Variants in SYCP1 observed in about 807,000 individuals in gnomAD.
SYCP1 encodes the protein synaptonemal complex protein 1, also known as cancer/testis antigen 8.
A neutral mutation model predicts 153.1 loss-of-function variants in SYCP1; 64 were observed. That is an observed-to-expected ratio of 0.42 (90% CI 0.34 to 0.51). The LOEUF (loss-of-function observed/expected upper bound fraction) is 0.51, where lower values mean the gene tolerates loss of function less well. SYCP1 is among the 20% of genes least tolerant of loss of function. The probability of loss-of-function intolerance (pLI) is 0.06; values close to 1 mark genes in which losing one functional copy is unlikely to be tolerated. For synonymous variants in SYCP1, 384 were observed against 341.8 expected (o/e 1.12, Z -1.36); for missense variants, 997 against 1,049.0 (o/e 0.95, Z 0.68).
chr1:114,910,783 CAG>C (rs1442704221), intron 17 of SYCP1, among the ~76,000 whole-genome samples: 17 of 151,946 alleles, frequency 1.1e-4, no homozygotes, highest in Admixed American at 1.1e-3. Context: ...TCTTTTGAGA[CAG>C]AGTCTTGCTA....
At chr1:114,991,376 A>G (rs760378559) in intron 30 of SYCP1, among the ~76,000 whole-genome samples, 6 of 151,926 alleles carry the variant, frequency 3.9e-5, no homozygotes, top group Non-Finnish European at 8.8e-5. Flanking sequence ...ACGGACCAAT[A>G]TCTCTTATGA....
At chr1:114,934,103 T>C (rs1271428145) in intron 23 of SYCP1, among the ~76,000 whole-genome samples, 1 of 151,942 alleles carries the variant, frequency 6.6e-6, no homozygotes, top group Non-Finnish European at 1.5e-5. Context: ...CCAAGATACA[T>C]AATTGTCAGA....
At chr1:114,890,602 G>C (rs1666641083) in intron 15 of SYCP1, among the ~76,000 whole-genome samples, 1 of 152,080 alleles carries the variant, frequency 6.6e-6, no homozygotes, top group South Asian at 2.1e-4. Context: ...AGACTTTAAG[G>C]CTTTGGATAG....
At chr1:114,858,986 G>T (rs1664196829) in intron 6 of SYCP1, among the ~76,000 whole-genome samples, 1 of 152,140 alleles carries the variant, frequency 6.6e-6, no homozygotes, top group African/African-American at 2.4e-5. Context: ...TTATTATAAA[G>T]AGTTTCAATT....
chr1:114,912,825 A>C (rs1668268733), intron 18 of SYCP1, among the ~76,000 whole-genome samples: 2 of 151,992 alleles, frequency 1.3e-5, no homozygotes, highest in South Asian at 4.1e-4. Flanking sequence ...TTAGTAAAGA[A>C]AAATTTCAAA....
chr1:114,948,563 C>T (rs2101836248), intron 27 of SYCP1, among the ~76,000 whole-genome samples: 1 of 152,262 alleles, frequency 6.6e-6, no homozygotes, highest in South Asian at 2.1e-4. Flanking sequence ...TCTCACACAT[C>T]TTTCATCTTA....
Position 114,984,851 on chromosome 1 carries a change from G to T in SYCP1, c.2686G>T (p.Glu896Ter). 7.0e-7 allele frequency: 1 copy of T among 1,434,424 alleles called. No homozygotes were observed. Among genetic ancestry groups the T allele is most frequent in the Non-Finnish European group, 9.3e-7 (1 of 1,073,756 alleles). 88.9% of individuals were successfully genotyped at this position (1,434,424 alleles called of 1,614,324 possible). A position where few individuals can be genotyped will look rare whatever the true frequency, so the allele number is the denominator to read the frequency against. The change falls in exon 30 of 32, where the codon GAA (glutamate) becomes TAA (stop). Residue 896 changes from glutamate (E) to a stop codon, truncating the protein, a stop_gained. Coordinates refer to ENST00000369522, the MANE Select transcript of SYCP1 (RefSeq NM_003176.4). LOFTEE classifies it high-confidence loss of function. Reference protein sequence around the residue: ...FEFDINSDSSETTDLLSMVSE... With the variant: ...FEFDINSDSS ...ATTTGATATTAATTCAGATAGTTCA[G>T]AAACTACTGATCTTTTGGTAAAAAT...
intron 27 of SYCP1, among the ~76,000 whole-genome samples, chr1:114,951,156 TAAG>T (rs1331746717): frequency 6.6e-6 from 1 of 152,170 alleles, no homozygotes; most frequent in Admixed American, 6.5e-5. Context: ...TTTAAGAATG[TAAG>T]TAATACATAC....
intron 30 of SYCP1, among the ~76,000 whole-genome samples, chr1:114,988,091 A>G (rs1240090589): frequency 7.4e-5 from 11 of 148,438 alleles, no homozygotes; most frequent in African/African-American, 2.3e-4. Flanking sequence ...AAAAAAAAAA[A>G]AAAAAGAAAA....
At chr1:114,880,482 T>C (rs1665846656) in intron 12 of SYCP1, among the ~76,000 whole-genome samples, 1 of 152,248 alleles carries the variant, frequency 6.6e-6, no homozygotes, top group African/African-American at 2.4e-5. Context: ...TTTTCTCTGC[T>C]GGAGAGAAAT....
chr1:114,887,488 G>A (rs1666394588), intron 14 of SYCP1, 138 bp from the exon 15 acceptor site: 1 of 472,012 alleles, frequency 2.1e-6, no homozygotes, highest in Admixed American at 3.9e-5. Flanking sequence ...GTGCAGAGTA[G>A]GTACTTAATA....
intron 8 of SYCP1, among the ~76,000 whole-genome samples, chr1:114,863,920 A>G (rs1664545279): frequency 6.6e-6 from 1 of 151,390 alleles, no homozygotes; most frequent in African/African-American, 2.4e-5. Context: ...GGAGTTGAAC[A>G]ATGCGAACAC....
At chr1:114,858,251 G>C (rs6537847) in intron 5 of SYCP1, among the ~76,000 whole-genome samples, 1 of 152,036 alleles carries the variant, frequency 6.6e-6, no homozygotes, top group Non-Finnish European at 1.5e-5. Context: ...CTTATAGGAT[G>C]ATTTATTTTA....
chr1:114,897,326 GA>G (rs1667139969), intron 16 of SYCP1, among the ~76,000 whole-genome samples: 1 of 152,144 alleles, frequency 6.6e-6, no homozygotes, highest in Non-Finnish European at 1.5e-5. Context: ...GAGTTTGTTT[GA>G]TGGCCTGAAG....
In SYCP1 at chr1:114,922,236, C is replaced by T. The variant is rs117056083; in HGVS notation, c.1719-1213C>T. ...CAACTTTCTACCCTTATCTCTGTCT[C>T]TACCTCCTCTTTAAGGCCAATGACT... is the stretch of plus-strand genomic sequence containing the variant. On this transcript the variant is annotated intron_variant, in intron 20 of 31. Transcript: ENST00000369522. 2.7e-3 allele frequency among the ~76,000 whole-genome samples: 417 copies of T among 152,268 alleles called. 13 individuals are homozygous for T. The East Asian group carries it at 0.067, about 25-fold the overall frequency.
chr1:114,932,663 C>A (rs1052826755), intron 23 of SYCP1, among the ~76,000 whole-genome samples: 1 of 152,172 alleles, frequency 6.6e-6, no homozygotes, highest in South Asian at 2.1e-4. Context: ...CAAGAGAAGC[C>A]GTGACTGATG....
chr1:114,930,518 G>C (rs1015692969), intron 23 of SYCP1, among the ~76,000 whole-genome samples: 13 of 151,848 alleles, frequency 8.6e-5, no homozygotes, highest in Non-Finnish European at 1.9e-4. Flanking sequence ...ATAAGAAAGG[G>C]GGGACTGTGA....
intron 16 of SYCP1, among the ~76,000 whole-genome samples, chr1:114,903,323 A>G (rs1489934306): frequency 6.6e-6 from 1 of 152,224 alleles, no homozygotes; most frequent in Non-Finnish European, 1.5e-5. Flanking sequence ...TTGAAATGTA[A>G]CATTACAATG....
At chr1:114,905,085 A>G (rs1459941894) in intron 16 of SYCP1, among the ~76,000 whole-genome samples, 1 of 152,048 alleles carries the variant, frequency 6.6e-6, no homozygotes, top group Non-Finnish European at 1.5e-5. Flanking sequence ...TTTATTTGTT[A>G]ATATTTTGCT....
Sources: gnomAD v4.1 joint callset for allele counts (sites outside exome capture counted in the v4.1 genomes callset) on GRCh38, gnomAD v4.1.1 for gene constraint, MANE v1.5 for transcripts, NCBI Gene and HGNC (gene_info 2026-07-23, HGNC 2026-07-21) for gene names.